The following SH3PXD2A variants were observed in gnomAD, a reference collection of about 807,000 sequenced individuals.
SH3PXD2A encodes the protein SH3 and PX domains 2A, also known as SH3 and PX domain-containing protein 2A.
A neutral mutation model predicts 115.2 loss-of-function variants in SH3PXD2A; 32 were observed. The observed-to-expected ratio is 0.28, with a 90% CI of 0.21 to 0.37. The LOEUF (loss-of-function observed/expected upper bound fraction) is 0.37, where lower values mean the gene tolerates loss of function less well. Ranked by LOEUF, SH3PXD2A falls within the 10% of genes least tolerant of loss-of-function variation. The pLI, the probability that SH3PXD2A is intolerant of heterozygous loss-of-function variation, is 1.00. For missense variants in SH3PXD2A, 1,328 were observed against 1,498.7 expected, an observed-to-expected ratio of 0.89 and a Z score of 1.88; for synonymous variants, 610 against 629.1, an observed-to-expected ratio of 0.97 and a Z score of 0.45.
intron 2 of SH3PXD2A, among the ~76,000 whole-genome samples, chr10:103,797,440 A>G (rs1018480174): frequency 6.6e-6 from 1 of 151,864 alleles, no homozygotes; most frequent in Non-Finnish European, 1.5e-5. Context: ...GACTTTCCCC[A>G]TTTCCGGTGA....
intron 8 of SH3PXD2A, among the ~76,000 whole-genome samples, chr10:103,648,224 C>T (rs570804746): frequency 6.6e-6 from 1 of 152,308 alleles, no homozygotes; most frequent in African/African-American, 2.4e-5. Flanking sequence ...GTAAAAGGGT[C>T]AGGCAAATCC....
chr10:103,820,912 G>A (rs1406025882), intron 1 of SH3PXD2A, among the ~76,000 whole-genome samples: 1 of 152,208 alleles, frequency 6.6e-6, no homozygotes, highest in Non-Finnish European at 1.5e-5. Context: ...AGCCCAATGT[G>A]TACAGCCAAA....
chr10:103,617,350 G>A (rs1564845351), intron 10 of SH3PXD2A, 36 bp from the exon 11 acceptor site: 1 of 1,481,514 alleles, frequency 6.7e-7, no homozygotes, highest in Non-Finnish European at 9.4e-7. Flanking sequence ...ATTATTTGAG[G>A]TCGGGGTGCA....
rs11191815 is a variant in SH3PXD2A, at chr10:103,819,773, G to A, written c.73-18411C>T. 2.0e-3 allele frequency among the ~76,000 whole-genome samples: 302 copies of A among 152,154 alleles called. 3 individuals are homozygous for A. The East Asian group carries it at 0.027, about 13-fold the overall frequency. Reference sequence around the variant, plus strand: ...CCCTGGAGCAGGGGGCAGGCAGGACGATGAAGCAGGCTTGGCAATGAGAGA... The same window carrying A: ...CCCTGGAGCAGGGGGCAGGCAGGACAATGAAGCAGGCTTGGCAATGAGAGA... On this transcript the variant is annotated intron_variant, in intron 1 of 14. Coordinates refer to ENST00000369774, the MANE Select transcript of SH3PXD2A (RefSeq NM_001394015.1).
intron 10 of SH3PXD2A, among the ~76,000 whole-genome samples, chr10:103,621,487 G>T (rs1274998690): frequency 2.0e-5 from 3 of 152,226 alleles, no homozygotes; most frequent in Admixed American, 6.5e-5. Context: ...GCTGCTTTGG[G>T]CCTGGGGCAG....
intron 3 of SH3PXD2A, among the ~76,000 whole-genome samples, chr10:103,758,023 C>A (rs185616306): frequency 6.6e-6 from 1 of 152,194 alleles, no homozygotes; most frequent in Admixed American, 6.5e-5. Flanking sequence ...CGCCACACAG[C>A]GCTTTCCATG....
At chr10:103,631,943 T>A (rs2036786069) in intron 8 of SH3PXD2A, among the ~76,000 whole-genome samples, 1 of 151,894 alleles carries the variant, frequency 6.6e-6, no homozygotes, top group Non-Finnish European at 1.5e-5. Context: ...CATAGTGAGA[T>A]CCCATCTCTT....
chr10:103,700,114 G>T (rs2037874762), intron 5 of SH3PXD2A, among the ~76,000 whole-genome samples: 1 of 152,222 alleles, frequency 6.6e-6, no homozygotes, highest in Admixed American at 6.5e-5. Flanking sequence ...ACTATTCTGG[G>T]CAAAGGCCCT....
chr10:103,850,368 G>T (rs1329501273), intron 1 of SH3PXD2A, among the ~76,000 whole-genome samples: 2 of 152,122 alleles, frequency 1.3e-5, no homozygotes, highest in African/African-American at 4.8e-5. Context: ...GAAGGGTGTG[G>T]TTGGTTGTTC....
chr10:103,776,029 C>A (rs368530666), intron 2 of SH3PXD2A, among the ~76,000 whole-genome samples: 3 of 152,168 alleles, frequency 2.0e-5, no homozygotes, highest in East Asian at 3.8e-4. Flanking sequence ...TGTTTCCTTG[C>A]CTTTTTTAGC....
intron 1 of SH3PXD2A, among the ~76,000 whole-genome samples, chr10:103,812,935 A>G (rs921331217): frequency 6.6e-6 from 1 of 152,106 alleles, no homozygotes; most frequent in African/African-American, 2.4e-5. Flanking sequence ...TTATCCACAC[A>G]ATTGTGTGTA....
chr10:103,604,521 A>G (rs1402392316), intron 14 of SH3PXD2A, among the ~76,000 whole-genome samples: 2 of 152,198 alleles, frequency 1.3e-5, no homozygotes, highest in East Asian at 1.9e-4. Flanking sequence ...GCTGGGGTCC[A>G]TTTGGACTGG....
At chr10:103,811,048 T>G (rs2039265386) in intron 1 of SH3PXD2A, among the ~76,000 whole-genome samples, 1 of 152,058 alleles carries the variant, frequency 6.6e-6, no homozygotes, top group Non-Finnish European at 1.5e-5. Flanking sequence ...AAAAAATAGC[T>G]CTGCTGCCCA....
chr10:103,740,658 C>T lies in SH3PXD2A; in HGVS notation c.230-4850G>A, dbSNP rs1214259821. 2.0e-5 allele frequency among the ~76,000 whole-genome samples: 3 copies of T among 152,206 alleles called. No homozygotes were observed. The South Asian group carries it at 6.2e-4, about 32-fold the overall frequency. On this transcript the variant is annotated intron_variant, in intron 3 of 14. Transcript: ENST00000369774. The stretch of plus-strand genomic sequence containing the variant: ...TAAGAGAGGGCTGGCCTCGGGACCT[C>T]TTCTGGTCTGAGCAGGCTGATCTAT...
Position 103,627,136 on chromosome 10 carries a change from T to C in SH3PXD2A, c.671A>G (p.Asn224Ser), listed in dbSNP as rs1790515567. Residue 224 changes from asparagine (N) to serine (S), a missense_variant, in exon 9 of 15, where the codon AAT (asparagine) becomes AGT (serine). By Grantham distance (46) the Asn-to-Ser change is conservative. This residue lies in a region of SH3PXD2A where 509 missense variants were observed against 628.3 expected (regional missense o/e 0.81). Coordinates refer to ENST00000369774, the MANE Select transcript of SH3PXD2A (RefSeq NM_001394015.1). The surrounding 1 kb of genome is among the most constrained non-coding windows in gnomAD (Gnocchi z 4.4). ...WVPATYLEAQ[N>S]GTRDDSDINT... The stretch of plus-strand genomic sequence containing the variant: ...GATGTCGGAGTCATCCCGAGTACCA[T>C]TCTGGGCCTCCAGGTAGGTGGCAGG... The C allele has an allele frequency of 1.9e-6, 3 of 1,612,170 alleles. No individual in the cohort carries two copies. The highest frequency in any genetic ancestry group is 2.7e-5 in the African/African-American group (2 of 74,584).
chr10:103,696,507 C>G (rs1032984120), intron 5 of SH3PXD2A, among the ~76,000 whole-genome samples: 2 of 152,170 alleles, frequency 1.3e-5, no homozygotes, highest in East Asian at 1.9e-4. Context: ...CTCTTCCCAT[C>G]AGTCCCCTTC....
intron 7 of SH3PXD2A, chr10:103,661,727 A>C (rs1247390558): frequency 2.0e-6 from 2 of 984,910 alleles, no homozygotes; most frequent in Non-Finnish European, 2.4e-6. Context: ...CCAGGCGAGG[A>C]GTCAAGAGGG....
At chr10:103,732,519 T>C (rs1243193648) in intron 4 of SH3PXD2A, among the ~76,000 whole-genome samples, 1 of 152,236 alleles carries the variant, frequency 6.6e-6, no homozygotes, top group Admixed American at 6.5e-5. Flanking sequence ...AACACTGATA[T>C]TGGGCTGTGA....
intron 2 of SH3PXD2A, among the ~76,000 whole-genome samples, chr10:103,790,299 C>T (rs868456830): frequency 7.8e-4 from 119 of 152,118 alleles, no homozygotes; most frequent in African/African-American, 2.7e-3. Flanking sequence ...GGAATACAGG[C>T]GCCCGCCATC....
Sources: allele counts gnomAD v4.1 joint callset (sites outside exome capture counted in the v4.1 genomes callset), GRCh38; gene constraint gnomAD v4.1.1; regional missense constraint gnomAD v4.1.1; non-coding constraint Gnocchi (gnomAD v3.1); transcripts MANE v1.5; gene names NCBI Gene and HGNC (gene_info 2026-07-23, HGNC 2026-07-21).